The following OSBPL1A variants were observed in gnomAD, a reference collection of about 807,000 sequenced individuals.
OSBPL1A encodes the protein oxysterol-binding protein-related protein 1.
A neutral mutation model predicts 137.1 loss-of-function variants in OSBPL1A; 80 were observed. That is an observed-to-expected ratio of 0.58 (90% CI 0.49 to 0.70). The LOEUF (loss-of-function observed/expected upper bound fraction) is 0.70. Among genes scored for constraint, OSBPL1A ranks in the 30% least tolerant of loss-of-function variants. OSBPL1A has a pLI of 0.00. For synonymous variants in OSBPL1A, 365 were observed against 389.7 expected (o/e 0.94, Z 0.75); for missense variants, 970 against 1,129.4 (o/e 0.86, Z 2.02).
chr18:24,353,052 C>T (rs567690500), intron 4 of OSBPL1A, among the ~76,000 whole-genome samples: 1 of 151,974 alleles, frequency 6.6e-6, no homozygotes, highest in Non-Finnish European at 1.5e-5. Context: ...GCAACAAAAG[C>T]CAAAATTGAC....
At chr18:24,190,018 C>T (rs4800562) in intron 18 of OSBPL1A, among the ~76,000 whole-genome samples, 4 of 152,270 alleles carry the variant, frequency 2.6e-5, no homozygotes, top group African/African-American at 9.6e-5. Flanking sequence ...AAGAAAAGCT[C>T]TAAGGAAAAT....
intron 18 of OSBPL1A, among the ~76,000 whole-genome samples, chr18:24,183,432 TTTC>T (rs1313624252): frequency 2.7e-5 from 4 of 150,392 alleles, no homozygotes; most frequent in South Asian, 4.2e-4. Context: ...TCTTTTTCTT[TTTC>T]TTTTTTTTTT....
chr18:24,240,368 G>C (rs2088654338), intron 15 of OSBPL1A, among the ~76,000 whole-genome samples: 1 of 152,166 alleles, frequency 6.6e-6, no homozygotes, highest in African/African-American at 2.4e-5. Context: ...TATTCCTCCT[G>C]TCTAATGCAG....
intron 18 of OSBPL1A, among the ~76,000 whole-genome samples, chr18:24,184,731 CAGAG>C (rs752531394): frequency 6.6e-6 from 1 of 152,178 alleles, no homozygotes; most frequent in Non-Finnish European, 1.5e-5. Flanking sequence ...CATCACCTCA[CAGAG>C]AGAGGGGAAC....
At chr18:24,366,813 TGGTTATA>T in intron 4 of OSBPL1A, 72 bp downstream of exon 4, 1 of 1,391,740 alleles carries the variant, frequency 7.2e-7, no homozygotes, top group South Asian at 1.3e-5. Flanking sequence ...GCTGGTCAGA[TGGTTATA>T]ACAGAGAAAA....
At chr18:24,234,000 T>C (rs1275003260) in intron 16 of OSBPL1A, among the ~76,000 whole-genome samples, 1 of 151,956 alleles carries the variant, frequency 6.6e-6, no homozygotes, top group African/African-American at 2.4e-5. Context: ...AGATGTAAAC[T>C]GAAGGAAACA....
At chr18:24,308,670 A>G (rs1414708355) in intron 13 of OSBPL1A, among the ~76,000 whole-genome samples, 1 of 152,192 alleles carries the variant, frequency 6.6e-6, no homozygotes, top group African/African-American at 2.4e-5. Flanking sequence ...GATGCTGGAA[A>G]TATTCTATAT....
At chr18:24,275,580 G>A (rs1287544455) in intron 15 of OSBPL1A, among the ~76,000 whole-genome samples, 1 of 152,196 alleles carries the variant, frequency 6.6e-6, no homozygotes, top group Non-Finnish European at 1.5e-5. Flanking sequence ...TCATGACTTT[G>A]TAGAGCTGTA....
At chr18:24,217,525 G>A (rs1296568313) in intron 17 of OSBPL1A, among the ~76,000 whole-genome samples, 2 of 151,980 alleles carry the variant, frequency 1.3e-5, no homozygotes, top group African/African-American at 4.8e-5. Flanking sequence ...CCAAAGTGCT[G>A]GGATTACAGG....
intron 16 of OSBPL1A, 46 bp downstream of exon 16, chr18:24,239,174 G>A (rs778656810): frequency 3.8e-6 from 6 of 1,595,102 alleles, no homozygotes; most frequent in South Asian, 3.4e-5. Context: ...TTTAGGTGGT[G>A]GACTCTAAAT....
chr18:24,184,021 C>T (rs763115675), intron 18 of OSBPL1A, among the ~76,000 whole-genome samples: 31 of 152,174 alleles, frequency 2.0e-4, no homozygotes, highest in Non-Finnish European at 4.0e-4. Flanking sequence ...TAGTATCTAT[C>T]ATAAAGCATA....
At chr18:24,347,340 C>T (rs2091362745) in intron 4 of OSBPL1A, among the ~76,000 whole-genome samples, 1 of 152,038 alleles carries the variant, frequency 6.6e-6, no homozygotes, top group African/African-American at 2.4e-5. Flanking sequence ...CCCGCCACCA[C>T]GCCCAGTTAA....
At chr18:24,249,319 G>A (rs965865374) in intron 15 of OSBPL1A, among the ~76,000 whole-genome samples, 1 of 152,186 alleles carries the variant, frequency 6.6e-6, no homozygotes, top group African/African-American at 2.4e-5. Flanking sequence ...AGGGTTTTAT[G>A]TATCATCATG....
intron 2 of OSBPL1A, among the ~76,000 whole-genome samples, chr18:24,373,335 T>C (rs1905822733): frequency 1.3e-5 from 2 of 152,246 alleles, no homozygotes; most frequent in Admixed American, 6.5e-5. Context: ...CACAGAATTG[T>C]GTGTTGAGAC....
chr18:24,167,760 A>G (rs944695606), intron 24 of OSBPL1A, among the ~76,000 whole-genome samples: 4 of 152,246 alleles, frequency 2.6e-5, no homozygotes, highest in Non-Finnish European at 4.4e-5. Flanking sequence ...CAATGATGAA[A>G]TCACCTAATG....
intron 5 of OSBPL1A, among the ~76,000 whole-genome samples, chr18:24,338,907 T>A (rs374450586): frequency 5.9e-5 from 9 of 152,062 alleles, no homozygotes; most frequent in African/African-American, 1.7e-4. Context: ...AGAGACGGGG[T>A]TTCACCATCT....
At chr18:24,203,121 G>A (rs1006272565) in intron 17 of OSBPL1A, among the ~76,000 whole-genome samples, 2 of 152,176 alleles carry the variant, frequency 1.3e-5, no homozygotes, top group Non-Finnish European at 2.9e-5. Flanking sequence ...GGGACTACAG[G>A]CATGCGCCAC....
At chr18:24,182,268 C>A (rs191226615) in intron 18 of OSBPL1A, among the ~76,000 whole-genome samples, 1 of 152,330 alleles carries the variant, frequency 6.6e-6, no homozygotes, top group African/African-American at 2.4e-5. Flanking sequence ...TTTCTGACCT[C>A]AACTGCAACT....
At chr18:24,302,530 T>A (rs1404288703) in intron 14 of OSBPL1A, 1 of 152,034 alleles carries the variant, frequency 6.6e-6, no homozygotes, top group African/African-American at 2.4e-5. Context: ...TTCAAGCAAC[T>A]CTCCTGCCTC....
Sources: allele counts gnomAD v4.1 joint callset (sites outside exome capture counted in the v4.1 genomes callset), GRCh38; gene constraint gnomAD v4.1.1; transcripts MANE v1.5; gene names NCBI Gene and HGNC (gene_info 2026-07-23, HGNC 2026-07-21).